Variants in CFAP97 observed in about 807,000 individuals in gnomAD.
The protein encoded by CFAP97 is cilia and flagella associated protein 97.
CFAP97 carries 36 observed loss-of-function variants against 43.1 expected under a neutral mutation model. The observed-to-expected ratio is 0.84, with a 90% CI of 0.64 to 1.10. The LOEUF is 1.10. Among genes scored for constraint, CFAP97 ranks in the 50% least tolerant of loss-of-function variants. The pLI, the probability that CFAP97 is intolerant of heterozygous loss-of-function variation, is 0.00. For missense variants in CFAP97, 657 were observed against 620.3 expected (o/e 1.06, Z -0.63); for synonymous variants, 228 against 225.7 (o/e 1.01, Z -0.09).
chr4:185,188,902 G>T (rs919291201), intron 2 of CFAP97, among the ~76,000 whole-genome samples: 4 of 151,820 alleles, frequency 2.6e-5, no homozygotes, highest in Non-Finnish European at 1.5e-5. Context: ...TCAGAGAAAG[G>T]GAGAAAAATC....
intron 3 of CFAP97, among the ~76,000 whole-genome samples, chr4:185,171,523 T>C (rs1392222836): frequency 6.6e-6 from 1 of 152,106 alleles, no homozygotes; most frequent in Non-Finnish European, 1.5e-5. Context: ...ATTACTTCTC[T>C]CCCCCAACAT....
intron 3 of CFAP97, among the ~76,000 whole-genome samples, chr4:185,168,162 C>A (rs1240399411): frequency 6.6e-6 from 1 of 152,058 alleles, no homozygotes; most frequent in South Asian, 2.1e-4. Flanking sequence ...TCCTTCCTTA[C>A]ATTGCTCATA....
upstream of CFAP97, chr4:185,210,006 C>T (rs1737479882): frequency 1.0e-6 from 1 of 983,728 alleles, no homozygotes; most frequent in Non-Finnish European, 1.2e-6. The surrounding 1 kb of genome is among the most constrained non-coding windows in gnomAD (Gnocchi z 4.4). Flanking sequence ...GGTGGAAGCC[C>T]GTGGCGGTGG....
upstream of CFAP97, among the ~76,000 whole-genome samples, chr4:185,205,808 G>A (rs563264523): frequency 2.0e-5 from 3 of 152,230 alleles, no homozygotes; most frequent in Non-Finnish European, 2.9e-5. Context: ...CAGCCTGGGC[G>A]ACAGAGCAAG....
chr4:185,191,486 T>C (rs1344124526), intron 1 of CFAP97, among the ~76,000 whole-genome samples: 1 of 152,198 alleles, frequency 6.6e-6, no homozygotes, highest in Non-Finnish European at 1.5e-5. Flanking sequence ...CAAACATGGA[T>C]ACCTAAGTGA....
chr4:185,210,114 G>A (rs1737491428), upstream of CFAP97: 9 of 984,258 alleles, frequency 9.1e-6, no homozygotes, highest in Non-Finnish European at 9.6e-6. The surrounding 1 kb of genome is among the most constrained non-coding windows in gnomAD (Gnocchi z 4.4). Flanking sequence ...GGCTCAGCCT[G>A]TACCTGAGCT....
At chr4:185,178,120 A>C (rs1349500174) in intron 2 of CFAP97, among the ~76,000 whole-genome samples, 2 of 152,046 alleles carry the variant, frequency 1.3e-5, no homozygotes, top group Admixed American at 1.3e-4. Flanking sequence ...AAAACATGTG[A>C]AATTATCTTG....
At chr4:185,200,240 G>C (rs1736761343) in intron 1 of CFAP97, among the ~76,000 whole-genome samples, 1 of 152,202 alleles carries the variant, frequency 6.6e-6, no homozygotes, top group Non-Finnish European at 1.5e-5. Flanking sequence ...ATTAGAAGTG[G>C]AGCCTGGTAT....
chr4:185,185,261 T>A (rs1353056057), intron 2 of CFAP97, among the ~76,000 whole-genome samples: 5 of 152,046 alleles, frequency 3.3e-5, no homozygotes, highest in Non-Finnish European at 7.4e-5. Context: ...GTAAGAATTA[T>A]GAACGAAGAG....
At chr4:185,205,344 C>T (rs991086690), upstream of CFAP97, among the ~76,000 whole-genome samples, 2 of 152,030 alleles carry the variant, frequency 1.3e-5, no homozygotes, top group African/African-American at 4.8e-5. Flanking sequence ...GTCCCAGCTA[C>T]TCGGAAGGCT....
intron 1 of CFAP97, among the ~76,000 whole-genome samples, chr4:185,195,378 G>A (rs968448893): frequency 7.2e-5 from 11 of 152,124 alleles, no homozygotes; most frequent in Non-Finnish European, 1.3e-4. Context: ...AGCTACTGAG[G>A]AGGCTGAGGT....
intron 2 of CFAP97, among the ~76,000 whole-genome samples, chr4:185,183,840 CAG>C (rs987930018): frequency 2.6e-5 from 4 of 152,176 alleles, no homozygotes; most frequent in African/African-American, 9.7e-5. Flanking sequence ...TCTCTTCTAT[CAG>C]GGGTTCTTTA....
At position 185,160,503 on chromosome 4, in the gene CFAP97, C is replaced by T. The variant is rs1734839718; in HGVS notation, c.*2295G>A. The T allele has an allele frequency of 6.6e-6, 1 of 152,032 alleles. No individual in the cohort carries two copies. The highest frequency in any genetic ancestry group is 1.5e-5 in the Non-Finnish European group (1 of 67,994). 9.4% of individuals were successfully genotyped at this position (152,032 alleles called of 1,614,324 possible). A position where few individuals can be genotyped will look rare whatever the true frequency, so the allele number is the denominator to read the frequency against. On this transcript the variant is annotated 3_prime_UTR_variant, in exon 5 of 5. Coordinates refer to ENST00000458385, the MANE Select transcript of CFAP97 (RefSeq NM_020827.3). ...CTATAACAACTTCATAGCATCTTGA[C>T]TTAGAATATACCACATTTTCCAAGT...
At chr4:185,183,757 A>G (rs2111367629) in intron 2 of CFAP97, among the ~76,000 whole-genome samples, 1 of 152,364 alleles carries the variant, frequency 6.6e-6, no homozygotes, top group South Asian at 2.1e-4. Flanking sequence ...CTCCAATAAC[A>G]GATGTACCAA....
intron 1 of CFAP97, among the ~76,000 whole-genome samples, chr4:185,203,544 C>G (rs1300977899): frequency 1.3e-5 from 2 of 152,122 alleles, no homozygotes; most frequent in Non-Finnish European, 2.9e-5. Flanking sequence ...CCTCGGGCCT[C>G]GTGGGTTAGG....
At chr4:185,203,126 G>T (rs1425843116) in intron 1 of CFAP97, among the ~76,000 whole-genome samples, 1 of 152,138 alleles carries the variant, frequency 6.6e-6, no homozygotes, top group African/African-American at 2.4e-5. Context: ...CTTGAGCCCA[G>T]GAGTTGGGAG....
At chr4:185,197,251 A>G (rs1200933820) in intron 1 of CFAP97, among the ~76,000 whole-genome samples, 2 of 152,078 alleles carry the variant, frequency 1.3e-5, no homozygotes, top group Admixed American at 1.3e-4. Context: ...GATCTTAAAC[A>G]TAACAAAAGA....
rs1442574438 is a variant in CFAP97 at position 185,159,894 on chromosome 4, G to A, written c.*2904C>T. ...GCATTGAAGATAGTAAACTTTTTAT[G>A]AATGTAATTATTAAAGTATAATCAA... On this transcript the variant is annotated 3_prime_UTR_variant, in exon 5 of 5. Coordinates refer to ENST00000458385, the MANE Select transcript of CFAP97 (RefSeq NM_020827.3). The A allele has an allele frequency of 6.6e-6, 1 of 152,122 alleles. No homozygotes were observed. Among genetic ancestry groups the A allele is most frequent in the Non-Finnish European group, 1.5e-5 (1 of 68,002 alleles). 9.4% of individuals were successfully genotyped at this position (152,122 alleles called of 1,614,324 possible). A position where few individuals can be genotyped will look rare whatever the true frequency, so the allele number is the denominator to read the frequency against.
intron 2 of CFAP97, among the ~76,000 whole-genome samples, chr4:185,181,329 T>G (rs1330217444): frequency 2.0e-5 from 3 of 147,510 alleles, no homozygotes; most frequent in African/African-American, 7.4e-5. Context: ...ACTTTTTTTT[T>G]TTTTTTTTTT....
Sources: allele counts gnomAD v4.1 joint callset (sites outside exome capture counted in the v4.1 genomes callset), GRCh38; gene constraint gnomAD v4.1.1; non-coding constraint Gnocchi (gnomAD v3.1); transcripts MANE v1.5; gene names NCBI Gene and HGNC (gene_info 2026-07-23, HGNC 2026-07-21).